Variants in ELANE observed in about 807,000 individuals in gnomAD.
ELANE encodes neutrophil elastase.
ELANE carries 12 observed loss-of-function variants against 20.6 expected under a neutral mutation model. The ratio of observed to expected loss-of-function variants is 0.58; its 90% CI spans 0.37 to 0.94. The LOEUF is 0.94. ELANE is among the 40% of genes least tolerant of loss of function. The pLI is 0.01. For synonymous variants in ELANE, 203 were observed against 177.4 expected (o/e 1.14, Z -1.15); for missense variants, 388 against 395.2 (o/e 0.98, Z 0.15).
rs1389750163 is a variant in ELANE at position 855,917 on chromosome 19, G to A, written c.598-41G>A. The A allele has an allele frequency of 1.2e-6, 2 of 1,611,196 alleles. No individual in the cohort carries two copies. The highest frequency in any genetic ancestry group is 1.7e-6 in the Non-Finnish European group (2 of 1,179,730). ...TGACAGGCGGCGGGCAGGTGGGCAG[G>A]GCCTCGCAGTCCAGCTTCCCCACCT... On this transcript the variant is annotated intron_variant, in intron 4 of 4. Coordinates refer to ENST00000263621, the MANE Select transcript of ELANE (RefSeq NM_001972.4). The surrounding 1 kb of genome is among the most constrained non-coding windows in gnomAD (Gnocchi z 6.2).
chr19:853,480 GCGT>G, intron 3 of ELANE, 77 bp downstream of exon 3: 1 of 1,507,050 alleles, frequency 6.6e-7, no homozygotes, highest in Non-Finnish European at 9.0e-7. Context: ...ACGGAGGGGC[GCGT>G]CGGGGCCGCT....
Position 853,252 on chromosome 19 carries a change from TC to T in ELANE, c.225-6del, listed in dbSNP as rs1312101931. On this transcript the variant is annotated splice_polypyrimidine_tract_variant and intron_variant, in intron 2 of 4. Coordinates refer to ENST00000263621, the MANE Select transcript of ELANE (RefSeq NM_001972.4). ...GCCGCCCCTGAGCCCCGCCTCTCCCTCCCCGGCAGAAACGTCCGCGCGGTGC... is the reference window on the plus strand; with the variant it reads ...GCCGCCCCTGAGCCCCGCCTCTCCCTCCCGGCAGAAACGTCCGCGCGGTGC... 2 of 1,583,788 alleles carry T rather than the reference TC, an allele frequency of 1.3e-6. No individual in the cohort carries two copies. Among genetic ancestry groups the T allele is most frequent in the African/African-American group, 1.4e-5 (1 of 73,582 alleles).
rs762470485 is a variant in ELANE at position 853,279 on chromosome 19, G to T, written c.242G>T (p.Arg81Leu). ...CCCGGCAGAAACGTCCGCGCGGTGC[G>T]GGTGGTCCTGGGAGCCCATAACCTC... The part of the protein sequence containing the change: ...CVANVNVRAV[R>L]VVLGAHNLSR... The change falls in exon 3 of 5, where the codon CGG becomes CTG. Residue 81 changes from arginine to leucine, a missense_variant. Physicochemically the swap from Arg to Leu is moderately radical, Grantham distance 102. Transcript: ENST00000263621. The T allele has an allele frequency of 1.2e-6, 2 of 1,606,274 alleles. No homozygotes were observed. The highest frequency in any genetic ancestry group is 1.7e-4 in the Middle Eastern group (1 of 6,044).
In ELANE at chr19:853,301, C is replaced by T. The variant is rs766647358; in HGVS notation, c.264C>T (p.Asn88=). The T allele has an allele frequency of 1.2e-6, 2 of 1,610,666 alleles. No homozygotes were observed. Among genetic ancestry groups the T allele is most frequent in the Non-Finnish European group, 1.7e-6 (2 of 1,178,888 alleles). The change falls in exon 3 of 5, where the codon AAC becomes AAT. Residue 88 remains asparagine, a synonymous_variant. Transcript: ENST00000263621. ...RAVRVVLGAH[N]LSRREPTRQV... ...TGCGGGTGGTCCTGGGAGCCCATAA[C>T]CTCTCGCGGCGGGAGCCCACCCGGC...
At chr19:854,444 A>G (rs2035643091) in intron 3 of ELANE, among the ~76,000 whole-genome samples, 1 of 150,874 alleles carries the variant, frequency 6.6e-6, no homozygotes, top group Non-Finnish European at 1.5e-5. Context: ...AAAAAAAAAA[A>G]GATTCCTCCC....
chr19:855,494 G>A lies in ELANE; in HGVS notation c.367-70G>A. ...GTGGAACCTGAGATGGGGAAACTGA[G>A]GCCCGGAGAGGGGAGGGTCATCATC... On this transcript the variant is annotated intron_variant, in intron 3 of 4. Coordinates refer to ENST00000263621, the MANE Select transcript of ELANE (RefSeq NM_001972.4). This position sits in a 1 kb window ranked among gnomAD's most constrained non-coding sequence, Gnocchi z 6.2. The A allele has an allele frequency of 6.6e-7, 1 of 1,511,266 alleles. No individual in the cohort carries two copies. The highest frequency in any genetic ancestry group is 1.4e-5 in the African/African-American group (1 of 72,810). 93.6% of individuals were successfully genotyped at this position (1,511,266 alleles called of 1,614,324 possible). A position where few individuals can be genotyped will look rare whatever the true frequency, so the allele number is the denominator to read the frequency against.
At position 855,419 on chromosome 19, in the gene ELANE, G is replaced by A. The variant is rs938807571; in HGVS notation, c.367-145G>A. 3.3e-6 allele frequency: 3 copies of A among 910,700 alleles called. No homozygotes were observed. Among genetic ancestry groups the A allele is most frequent in the African/African-American group, 3.3e-5 (2 of 60,756 alleles). 56.4% of individuals were successfully genotyped at this position (910,700 alleles called of 1,614,324 possible). ...ATGGGGAAACCGAGGCTTGCCTTGG[G>A]GAGCAGAGTGTGGGGTGGGTATCCT... On this transcript the variant is annotated intron_variant, in intron 3 of 4. Transcript: ENST00000263621. This position sits in a 1 kb window ranked among gnomAD's most constrained non-coding sequence, Gnocchi z 6.2.
chr19:854,627 C>T (rs2035646345), intron 3 of ELANE, among the ~76,000 whole-genome samples: 1 of 148,484 alleles, frequency 6.7e-6, no homozygotes, highest in South Asian at 2.1e-4. Flanking sequence ...GGGTCCACCA[C>T]GTCTGGCTAA....
Position 855,937 on chromosome 19 carries a change from C to G in ELANE, c.598-21C>G. On this transcript the variant is annotated intron_variant, in intron 4 of 4. Transcript: ENST00000263621. This position sits in a 1 kb window ranked among gnomAD's most constrained non-coding sequence, Gnocchi z 6.2. ...GGCAGGGCCTCGCAGTCCAGCTTCC[C>G]CACCTTGTCTGCCTCCACAGGGGGA... 6.2e-7 allele frequency: 1 copy of G among 1,612,808 alleles called. No homozygotes were observed. Among genetic ancestry groups the G allele is most frequent in the East Asian group, 2.2e-5 (1 of 44,886 alleles).
Position 855,820 on chromosome 19 carries a change from T to A in ELANE, c.597+26T>A. ...GTACGTGCCCTGGGTGTCCCTCTGC[T>A]CCCCACCCGCTCCCAGCCCGGACTG... On this transcript the variant is annotated intron_variant, in intron 4 of 4. Transcript: ENST00000263621. This position sits in a 1 kb window ranked among gnomAD's most constrained non-coding sequence, Gnocchi z 6.2. 6.2e-7 allele frequency: 1 copy of A among 1,606,874 alleles called. No individual in the cohort carries two copies.
At chr19:853,441 C>G in intron 3 of ELANE, 38 bp downstream of exon 3, 1 of 1,559,220 alleles carries the variant, frequency 6.4e-7, no homozygotes, top group Non-Finnish European at 8.7e-7. Flanking sequence ...GGGGCGGAGG[C>G]CAGAGGCCTG....
At chr19:852,583 G>T (rs1568303797) in intron 1 of ELANE, among the ~76,000 whole-genome samples, 188 bp downstream of exon 1, 1 of 106,302 alleles carries the variant, frequency 9.4e-6, no homozygotes, top group Non-Finnish European at 1.9e-5. Context: ...GTTGGGGTTT[G>T]AAAACCGGGG....
chr19:852,858 C>G lies in ELANE; in HGVS notation c.68-18C>G. On this transcript the variant is annotated intron_variant, in intron 1 of 4. Coordinates refer to ENST00000263621, the MANE Select transcript of ELANE (RefSeq NM_001972.4). The stretch of plus-strand genomic sequence containing the variant: ...CTCCTTGGCAGGCACTCAGCACCCG[C>G]ACCCGGTGTGTCCCCAGGCACCGCG... The G allele has an allele frequency of 1.3e-6, 2 of 1,592,736 alleles. No homozygotes were observed. Among genetic ancestry groups the G allele is most frequent in the Non-Finnish European group, 1.7e-6 (2 of 1,175,806 alleles).
At chr19:853,230 G>A (rs756473168) in intron 2 of ELANE, 32 bp from the exon 3 acceptor site, 18 of 1,559,960 alleles carry the variant, frequency 1.2e-5, no homozygotes, top group Non-Finnish European at 1.4e-5. Flanking sequence ...CCCCGGGGCC[G>A]CCCCTGAGCC....
chr19:853,055 G>C (rs747996292), intron 2 of ELANE, 23 bp downstream of exon 2: 1 of 1,536,142 alleles, frequency 6.5e-7, no homozygotes, highest in African/African-American at 1.4e-5. Flanking sequence ...GAGTGTGCGC[G>C]CCCGGCTCGG....
chr19:854,636 A>AAC, intron 3 of ELANE, among the ~76,000 whole-genome samples: 1 of 147,830 alleles, frequency 6.8e-6, no homozygotes, highest in South Asian at 2.1e-4. Flanking sequence ...ACGTCTGGCT[A>AAC]ATATATATAT....
Position 852,900 on chromosome 19 carries a change from TG to T in ELANE, c.98del (p.Gly33AlafsTer27). Reference sequence around the variant, plus strand: ...GGCACCGCGCTGGCCTCGGAGATTGTGGGGGGCCGGCGAGCGCGGCCCCACG... The same window carrying T: ...GGCACCGCGCTGGCCTCGGAGATTGTGGGGGCCGGCGAGCGCGGCCCCACG... ...LGGTALASEI[V>X]GGRRARPHAW... On this transcript the variant is annotated frameshift_variant, in exon 2 of 5. Transcript: ENST00000263621. LOFTEE classifies it high-confidence loss of function. The T allele has an allele frequency of 6.3e-7, 1 of 1,596,586 alleles. No homozygotes were observed.
chr19:853,456 G>A lies in ELANE; in HGVS notation c.366+53G>A, dbSNP rs1190327243. The A allele has an allele frequency of 3.2e-6, 5 of 1,544,564 alleles. No individual in the cohort carries two copies. In the East Asian group the frequency reaches 1.2e-4, roughly 38 times the overall value. ...GGGGCGGAGGCCAGAGGCCTGGGGAGGGTGGAGGCTGCGACGGAGGGGCGC... is the reference window on the plus strand; with the variant it reads ...GGGGCGGAGGCCAGAGGCCTGGGGAAGGTGGAGGCTGCGACGGAGGGGCGC... On this transcript the variant is annotated intron_variant, in intron 3 of 4. Transcript: ENST00000263621.
In ELANE at chr19:856,075, G is replaced by C; in HGVS notation, c.715G>C (p.Val239Leu). 1 of 1,612,842 alleles carries C rather than the reference G, an allele frequency of 6.2e-7. No individual in the cohort carries two copies. The highest frequency in any genetic ancestry group is 8.5e-7 in the Non-Finnish European group (1 of 1,179,600). ...PDAFAPVAQFVNWIDSIIQRS... is the reference protein window; with the variant it reads ...PDAFAPVAQFLNWIDSIIQRS... The stretch of plus-strand genomic sequence containing the variant: ...TGCCTTTGCCCCGGTGGCACAGTTT[G>C]TAAACTGGATCGACTCTATCATCCA... The change falls in exon 5 of 5, where the codon GTA (valine) becomes CTA (leucine). Residue 239 changes from valine to leucine, a missense_variant. Coordinates refer to ENST00000263621, the MANE Select transcript of ELANE (RefSeq NM_001972.4).
Sources: gnomAD v4.1 joint callset for allele counts (sites outside exome capture counted in the v4.1 genomes callset) on GRCh38, gnomAD v4.1.1 for gene constraint, Gnocchi (gnomAD v3.1) non-coding constraint, MANE v1.5 for transcripts, NCBI Gene and HGNC (gene_info 2026-07-23, HGNC 2026-07-21) for gene names.